The following OSBPL1A variants were observed in gnomAD, a reference collection of about 807,000 sequenced individuals.
OSBPL1A encodes the protein oxysterol-binding protein-related protein 1.
Under a neutral mutation model 137.1 loss-of-function variants are expected in OSBPL1A, and 80 were observed. The observed-to-expected ratio is 0.58, with a 90% CI of 0.49 to 0.70. OSBPL1A has a LOEUF of 0.70. OSBPL1A is among the 30% of genes least tolerant of loss of function. OSBPL1A has a pLI of 0.00. For missense variants in OSBPL1A, 970 were observed against 1,129.4 expected (o/e 0.86, Z 2.02); for synonymous variants, 365 against 389.7 (o/e 0.94, Z 0.75).
In OSBPL1A at chr18:24,341,627, G is replaced by T. The variant is rs568430254; in HGVS notation, c.314C>A (p.Ala105Asp). 1.2e-6 allele frequency: 2 copies of T among 1,610,470 alleles called. No individual in the cohort carries two copies. The highest frequency in any genetic ancestry group is 4.5e-5 in the East Asian group (2 of 44,770). Reference protein sequence around the residue: ...ELVMLLLEYNADTTIVNGSGQ... With the variant: ...ELVMLLLEYNDDTTIVNGSGQ... The stretch of plus-strand genomic sequence containing the variant: ...ACTCCCATTAACAATAGTAGTATCA[G>T]CATTATATTCTAAGAGAAGCATTAC... Residue 105 changes from alanine (A) to aspartate (D), a missense_variant, in exon 5 of 28, where the codon GCT (alanine) becomes GAT (aspartate). Transcript: ENST00000319481.
chr18:24,324,455 TAAAAAA>T lies in OSBPL1A; in HGVS notation c.626-5652_626-5647del, dbSNP rs145135815. ...CTCTCAATAAATTTTCTGAAAAAGTTAAAAAAAAAAAAAAAAAAAAAAAAAAAATTA... is the reference window on the plus strand; with the variant it reads ...CTCTCAATAAATTTTCTGAAAAAGTTAAAAAAAAAAAAAAAAAAAAAATTA... On this transcript the variant is annotated intron_variant, in intron 7 of 27. Transcript: ENST00000319481. Among the ~76,000 whole-genome samples the T allele has an allele frequency of 1.5e-3, 20 of 12,982 alleles. 5 individuals carry two copies. The highest frequency in any genetic ancestry group is 9.2e-3 in the African/African-American group (17 of 1,844). 8.5% of individuals were successfully genotyped at this position (12,982 alleles called of 152,430 possible). A position where few individuals can be genotyped will look rare whatever the true frequency, so the allele number is the denominator to read the frequency against.
At chr18:24,204,066 C>T (rs1444335) in intron 17 of OSBPL1A, among the ~76,000 whole-genome samples, 145,181 of 152,296 alleles carry the variant, frequency 0.95, 69,571 homozygotes, top group East Asian at 1. Flanking sequence ...GGGGTTAAAA[C>T]TGCTGGGTCA....
chr18:24,258,095 G>A (rs1459917404), intron 15 of OSBPL1A, among the ~76,000 whole-genome samples: 2 of 152,094 alleles, frequency 1.3e-5, no homozygotes, highest in African/African-American at 4.8e-5. Context: ...TACCCCATAC[G>A]ACCCAGCAAT....
intron 4 of OSBPL1A, among the ~76,000 whole-genome samples, chr18:24,362,352 T>C (rs1044519852): frequency 6.6e-6 from 1 of 152,148 alleles, no homozygotes; most frequent in Admixed American, 6.6e-5. Context: ...ACCTTTATTG[T>C]TTATTATAAA....
At chr18:24,247,543 A>G (rs1327326599) in intron 15 of OSBPL1A, among the ~76,000 whole-genome samples, 1 of 152,128 alleles carries the variant, frequency 6.6e-6, no homozygotes, top group African/African-American at 2.4e-5. Flanking sequence ...GCTCACTGCA[A>G]CCTCTGCCTC....
At chr18:24,280,015 C>T (rs1233072799) in intron 15 of OSBPL1A, among the ~76,000 whole-genome samples, 7 of 152,064 alleles carry the variant, frequency 4.6e-5, no homozygotes, top group African/African-American at 7.2e-5. Flanking sequence ...GGTGCAATAT[C>T]GGCTTACTGC....
In OSBPL1A at chr18:24,271,653, G is replaced by T; in HGVS notation, c.1281+9189C>A. ...CAGATCCGAGGACCCCGGCTGGCGC[G>T]CTCCACCCTGCGCTCCTCGCAAGCT... On this transcript the variant is annotated intron_variant, in intron 15 of 27. Coordinates refer to ENST00000319481, the MANE Select transcript of OSBPL1A (RefSeq NM_080597.4). The surrounding 1 kb of genome is among the most constrained non-coding windows in gnomAD (Gnocchi z 4.0). 1 of 985,788 alleles carries T rather than the reference G, an allele frequency of 1.0e-6. No homozygotes were observed. Among genetic ancestry groups the T allele is most frequent in the Non-Finnish European group, 1.2e-6 (1 of 830,212 alleles). 61.1% of individuals were successfully genotyped at this position (985,788 alleles called of 1,614,324 possible).
At chr18:24,270,024 A>G (rs1319293629) in intron 15 of OSBPL1A, among the ~76,000 whole-genome samples, 4 of 152,250 alleles carry the variant, frequency 2.6e-5, no homozygotes, top group Non-Finnish European at 5.9e-5. Context: ...TTGTAGCTAT[A>G]TCTCTGGACT....
intron 4 of OSBPL1A, among the ~76,000 whole-genome samples, chr18:24,348,667 G>A (rs1010761544): frequency 1.4e-4 from 21 of 152,088 alleles, no homozygotes; most frequent in African/African-American, 4.8e-4. Flanking sequence ...CCAGCTACTT[G>A]GGAAGCTGAG....
chr18:24,234,781 A>G (rs747871579), intron 16 of OSBPL1A, among the ~76,000 whole-genome samples: 1 of 152,264 alleles, frequency 6.6e-6, no homozygotes, highest in Admixed American at 6.5e-5. Context: ...AAATCTTTTA[A>G]GAAGAGTAAG....
intron 20 of OSBPL1A, among the ~76,000 whole-genome samples, chr18:24,178,851 G>C (rs1192313442): frequency 6.6e-6 from 1 of 152,094 alleles, no homozygotes; most frequent in African/African-American, 2.4e-5. Flanking sequence ...AACTTGTGCA[G>C]AGAAGAGGAG....
chr18:24,289,073 G>T (rs2090125620), intron 14 of OSBPL1A, among the ~76,000 whole-genome samples: 1 of 152,064 alleles, frequency 6.6e-6, no homozygotes. Flanking sequence ...GTGAATTGAT[G>T]ATGTATTTTT....
intron 17 of OSBPL1A, among the ~76,000 whole-genome samples, chr18:24,215,283 G>A (rs1267893910): frequency 6.6e-6 from 1 of 152,130 alleles, no homozygotes; most frequent in Non-Finnish European, 1.5e-5. Flanking sequence ...TGGTAAAATG[G>A]ATACTTTATG....
intron 16 of OSBPL1A, among the ~76,000 whole-genome samples, chr18:24,228,077 C>T (rs555721680): frequency 2.6e-5 from 4 of 152,268 alleles, no homozygotes; most frequent in African/African-American, 9.6e-5. Flanking sequence ...AAGATTTCAA[C>T]TCAGTGACTA....
In OSBPL1A at chr18:24,271,904, C is replaced by T. The variant is rs1364112561; in HGVS notation, c.1281+8938G>A. On this transcript the variant is annotated intron_variant, in intron 15 of 27. Transcript: ENST00000319481. This position sits in a 1 kb window ranked among gnomAD's most constrained non-coding sequence, Gnocchi z 4.0. ...GACTCCCGCGCCGCGCCCGCCCGGGCCGCAGAGGTCTGCGCTGCCCCTCCG... is the reference window on the plus strand; with the variant it reads ...GACTCCCGCGCCGCGCCCGCCCGGGTCGCAGAGGTCTGCGCTGCCCCTCCG... The T allele has an allele frequency of 1.0e-6, 1 of 984,412 alleles. No individual in the cohort carries two copies. The highest frequency in any genetic ancestry group is 1.2e-6 in the Non-Finnish European group (1 of 829,666). 61.0% of individuals were successfully genotyped at this position (984,412 alleles called of 1,614,324 possible).
intron 14 of OSBPL1A, among the ~76,000 whole-genome samples, chr18:24,288,650 C>T (rs933664202): frequency 6.6e-6 from 1 of 152,076 alleles, no homozygotes; most frequent in African/African-American, 2.4e-5. Context: ...CGCCTGTAAT[C>T]CCAGCTACTT....
At chr18:24,312,192 T>G in intron 12 of OSBPL1A, 86 bp from the exon 13 acceptor site, 3 of 1,495,618 alleles carry the variant, frequency 2.0e-6, no homozygotes, top group Non-Finnish European at 2.7e-6. Flanking sequence ...AAGCATAAAA[T>G]TTACCTAGTG....
rs75826386 is a variant in OSBPL1A at position 24,342,564 on chromosome 18, C to G, written c.283-906G>C. The stretch of plus-strand genomic sequence containing the variant: ...CTGTGTTGCTACACGTTATGCTGTC[C>G]TAGGAATTTCATCTTTCCTTTGGGC... On this transcript the variant is annotated intron_variant, in intron 4 of 27. Transcript: ENST00000319481. Among the ~76,000 whole-genome samples, 782 of 152,162 alleles carry G rather than the reference C, an allele frequency of 5.1e-3. 6 individuals are homozygous for G. The highest frequency in any genetic ancestry group is 0.017 in the African/African-American group (720 of 41,510).
rs2090072689 is a variant in OSBPL1A at position 24,286,794 on chromosome 18, G to A, written c.1175-5846C>T. On this transcript the variant is annotated intron_variant, in intron 14 of 27. Coordinates refer to ENST00000319481, the MANE Select transcript of OSBPL1A (RefSeq NM_080597.4). ...TATGATCAATGAGAACTCTAGCAAG[G>A]TGAGAGGTTTTCATCTGCCAGTTAT... 1.3e-5 allele frequency among the ~76,000 whole-genome samples: 2 copies of A among 152,200 alleles called. 1 individual carries two copies. Among genetic ancestry groups the A allele is most frequent in the South Asian group, 4.1e-4 (2 of 4,832 alleles).
Sources: gnomAD v4.1 joint callset for allele counts (sites outside exome capture counted in the v4.1 genomes callset) on GRCh38, gnomAD v4.1.1 for gene constraint, Gnocchi (gnomAD v3.1) non-coding constraint, MANE v1.5 for transcripts, NCBI Gene and HGNC (gene_info 2026-07-23, HGNC 2026-07-21) for gene names.